CPEB2: variants seen among roughly 807,000 people sequenced by gnomAD.
CPEB2 encodes cytoplasmic polyadenylation element-binding protein 2.
Under a neutral mutation model 93.6 loss-of-function variants are expected in CPEB2, and 56 were observed. That is an observed-to-expected ratio of 0.60 (90% CI 0.48 to 0.75). CPEB2 has a LOEUF of 0.75. Ranked by LOEUF, CPEB2 falls within the 30% of genes least tolerant of loss-of-function variation. The probability of loss-of-function intolerance (pLI) is 0.00; values close to 1 mark genes in which losing one functional copy is unlikely to be tolerated. For missense variants in CPEB2, 1,579 were observed against 1,395.1 expected (o/e 1.13, Z -2.10); for synonymous variants, 764 against 586.3 (o/e 1.30, Z -4.38).
chr4:15,062,057 T>G (rs761412769), intron 10 of CPEB2, 22 bp from the exon 11 acceptor site: 1 of 1,572,140 alleles, frequency 6.4e-7, no homozygotes, highest in South Asian at 1.2e-5. Context: ...ACATTTGATG[T>G]AAACTTCTTT....
rs1218710274 is a variant in CPEB2 at position 15,004,319 on chromosome 4, C to T, written c.1646C>T (p.Ser549Phe). ...AAAAFLQQRN[S>F]YNHHQPLLKQ... ...GCCGCCTTCCTGCAGCAGAGGAACT[C>T]CTATAACCACCACCAGGTACGGCGG... The change falls in exon 1 of 12, where the codon TCC becomes TTC. Residue 549 changes from serine (S) to phenylalanine (F), a missense_variant. By Grantham distance (155) the Ser-to-Phe change is radical. Coordinates refer to ENST00000538197, the MANE Select transcript of CPEB2 (RefSeq NM_001177382.2). 12 of 1,482,514 alleles carry T rather than the reference C, an allele frequency of 8.1e-6. No individual in the cohort carries two copies. Among genetic ancestry groups the T allele is most frequent in the East Asian group, 2.9e-5 (1 of 34,768 alleles). 91.8% of individuals were successfully genotyped at this position (1,482,514 alleles called of 1,614,324 possible).
At chr4:15,029,530 C>T (rs895913490) in intron 4 of CPEB2, among the ~76,000 whole-genome samples, 9 of 151,898 alleles carry the variant, frequency 5.9e-5, no homozygotes, top group African/African-American at 2.2e-4. Flanking sequence ...TATATTAAAC[C>T]ATTATGAAAT....
At chr4:15,004,773 G>A (rs1337608425) in intron 1 of CPEB2, among the ~76,000 whole-genome samples, 2 of 151,926 alleles carry the variant, frequency 1.3e-5, no homozygotes, top group Non-Finnish European at 2.9e-5. Flanking sequence ...CCCCGACGCG[G>A]GGAGGCGCGG....
chr4:15,036,377 A>G (rs965676137), intron 5 of CPEB2, among the ~76,000 whole-genome samples: 2 of 152,220 alleles, frequency 1.3e-5, no homozygotes, highest in African/African-American at 4.8e-5. Context: ...GTCCGTATTT[A>G]GCATCCAGAA....
intron 5 of CPEB2, among the ~76,000 whole-genome samples, chr4:15,037,685 A>T (rs1384921630): frequency 6.6e-6 from 1 of 152,166 alleles, no homozygotes; most frequent in Non-Finnish European, 1.5e-5. Context: ...AAGGACACAC[A>T]TGTGTCAGTA....
At chr4:15,043,999 G>A (rs573990015) in intron 6 of CPEB2, among the ~76,000 whole-genome samples, 95 of 152,250 alleles carry the variant, frequency 6.2e-4, no homozygotes, top group Non-Finnish European at 9.6e-4. Flanking sequence ...GAACAATTGT[G>A]AAGTACCCAG....
chr4:15,020,611 CTGGCATAGCAGGTAGGAAGGGTCTAGTCT>C (rs1724703098), intron 4 of CPEB2, among the ~76,000 whole-genome samples: 2 of 152,116 alleles, frequency 1.3e-5, no homozygotes, highest in African/African-American at 2.4e-5. Context: ...TTTTCATGGT[CTGGCATAGCAGGTAGGAAGGGTCTAGTCT>C]TGTTGAAGTT....
At chr4:15,012,531 A>G (rs978091944) in intron 3 of CPEB2, among the ~76,000 whole-genome samples, 5 of 152,198 alleles carry the variant, frequency 3.3e-5, no homozygotes, top group African/African-American at 4.8e-5. Flanking sequence ...AATAAGGGTT[A>G]TCTATGTAGA....
At position 15,003,673 on chromosome 4, in the gene CPEB2, C is replaced by G; in HGVS notation, c.1000C>G (p.Leu334Val). ...CAGTAACCTCCTGCCCGGAGGTGCG[C>G]TTGGCGCGGGCGCCTTCAGCAGCCT... ...SPSNLLPGGA[L>V]GAGAFSSLQS... The change falls in exon 1 of 12, where the codon CTT becomes GTT. Residue 334 changes from leucine (L) to valine (V), a missense_variant. Transcript: ENST00000538197. The G allele has an allele frequency of 6.8e-7, 1 of 1,465,716 alleles. No homozygotes were observed. The highest frequency in any genetic ancestry group is 9.0e-7 in the Non-Finnish European group (1 of 1,111,376). 90.8% of individuals were successfully genotyped at this position (1,465,716 alleles called of 1,614,324 possible).
intron 5 of CPEB2, among the ~76,000 whole-genome samples, chr4:15,039,692 T>C (rs982518878): frequency 6.6e-6 from 1 of 152,068 alleles, no homozygotes; most frequent in Non-Finnish European, 1.5e-5. Context: ...ATTATGTCAC[T>C]GCAAGTAACA....
chr4:15,057,556 T>C (rs1446441114), intron 8 of CPEB2, among the ~76,000 whole-genome samples: 1 of 152,206 alleles, frequency 6.6e-6, no homozygotes, highest in African/African-American at 2.4e-5. Flanking sequence ...AGATCATTTA[T>C]AGCTATCACC....
chr4:15,066,045 C>T (rs1475505499), intron 11 of CPEB2, 108 bp from the exon 12 acceptor site: 2 of 912,708 alleles, frequency 2.2e-6, no homozygotes, highest in Non-Finnish European at 3.4e-6. Flanking sequence ...CCCATTTCCT[C>T]AGCTTTTAAT....
Position 15,068,489 on chromosome 4 carries a change from ACAGT to A in CPEB2, c.*2113_*2116del, listed in dbSNP as rs1341702040. The A allele has an allele frequency of 6.6e-6, 1 of 152,226 alleles. No homozygotes were observed. The highest frequency in any genetic ancestry group is 2.4e-5 in the African/African-American group (1 of 41,386). The allele number at this position is 152,226 out of a possible 1,614,324, so 9.4% of individuals were successfully genotyped here. ...TATATCTCTGTGAGAGATTTTTCCA[ACAGT>A]CAGCTATTTTATGGCACACTTTTTT... On this transcript the variant is annotated 3_prime_UTR_variant, in exon 12 of 12. Transcript: ENST00000538197.
intron 4 of CPEB2, among the ~76,000 whole-genome samples, chr4:15,030,048 T>G (rs1336673217): frequency 6.6e-6 from 1 of 152,082 alleles, no homozygotes; most frequent in African/African-American, 2.4e-5. Flanking sequence ...CTGTCTAGCT[T>G]TGATGACCCT....
At chr4:15,049,215 C>T (rs1408349536) in intron 6 of CPEB2, among the ~76,000 whole-genome samples, 1 of 151,072 alleles carries the variant, frequency 6.6e-6, no homozygotes, top group Non-Finnish European at 1.5e-5. Flanking sequence ...GGTCACTTTT[C>T]TCTTTGGCAT....
intron 6 of CPEB2, among the ~76,000 whole-genome samples, chr4:15,042,227 T>C (rs1032992867): frequency 3.3e-5 from 5 of 152,216 alleles, no homozygotes; most frequent in Admixed American, 1.3e-4. Flanking sequence ...TTTCGTATGC[T>C]CTCATGTAAA....
rs774517467 is a variant in CPEB2, at chr4:15,004,031, T to C, written c.1358T>C (p.Leu453Pro). 2 of 1,563,322 alleles carry C rather than the reference T, an allele frequency of 1.3e-6. No homozygotes were observed. Among genetic ancestry groups the C allele is most frequent in the Admixed American group, 1.8e-5 (1 of 54,138 alleles). ...TCAGAGAACGGCTTCTACCCCGGGC[T>C]GCCGTCGTCCATGAACCCGGCCTTC... ...PDSENGFYPG[L>P]PSSMNPAFFP... The change falls in exon 1 of 12, where the codon CTG (leucine) becomes CCG (proline). Residue 453 changes from leucine to proline, a missense_variant. Coordinates refer to ENST00000538197, the MANE Select transcript of CPEB2 (RefSeq NM_001177382.2).
chr4:15,058,604 ATTG>A, intron 9 of CPEB2, 65 bp downstream of exon 9: 1 of 855,532 alleles, frequency 1.2e-6, no homozygotes, highest in East Asian at 2.4e-5. Flanking sequence ...TTTTGAAATG[ATTG>A]TTAATTAATA....
At chr4:15,019,633 A>C (rs1389063372) in intron 4 of CPEB2, among the ~76,000 whole-genome samples, 1 of 152,146 alleles carries the variant, frequency 6.6e-6, no homozygotes, top group East Asian at 1.9e-4. Context: ...TTCCCCTAGA[A>C]AACAAAATGA....
Sources: gnomAD v4.1 joint callset for allele counts (sites outside exome capture counted in the v4.1 genomes callset) on GRCh38, gnomAD v4.1.1 for gene constraint, MANE v1.5 for transcripts, NCBI Gene and HGNC (gene_info 2026-07-23, HGNC 2026-07-21) for gene names.